Variants in LRRC2 observed in about 807,000 individuals in gnomAD.
The protein encoded by LRRC2 is leucine rich repeat containing 2, also known as leucine-rich repeat-containing protein 2.
A neutral mutation model predicts 40.2 loss-of-function variants in LRRC2; 27 were observed. That is an observed-to-expected ratio of 0.67 (90% CI 0.49 to 0.93). The LOEUF (loss-of-function observed/expected upper bound fraction) is 0.93. Ranked by LOEUF, LRRC2 falls within the 40% of genes least tolerant of loss-of-function variation. The pLI is 0.00. For missense variants in LRRC2, 402 were observed against 439.6 expected (o/e 0.91, Z 0.76); for synonymous variants, 147 against 158.9 (o/e 0.92, Z 0.56).
At chr3:46,532,181 C>A (rs866375200) in intron 5 of LRRC2, among the ~76,000 whole-genome samples, 11 of 152,226 alleles carry the variant, frequency 7.2e-5, no homozygotes, top group Non-Finnish European at 1.0e-4. Context: ...GCATTAGAGA[C>A]AACAGGCATC....
chr3:46,557,451 C>A (rs1032864894), intron 1 of LRRC2: 3 of 152,256 alleles, frequency 2.0e-5, no homozygotes, highest in Non-Finnish European at 4.4e-5. Flanking sequence ...AGCTTTATTG[C>A]TCACACAAAG....
At chr3:46,543,305 C>T (rs146564727) in intron 3 of LRRC2, among the ~76,000 whole-genome samples, 44 of 152,240 alleles carry the variant, frequency 2.9e-4, no homozygotes, top group African/African-American at 9.4e-4. Flanking sequence ...ATTCCCTTTA[C>T]CATACCGGGC....
At chr3:46,539,255 C>T (rs1019576261) in intron 3 of LRRC2, 54 bp from the exon 4 acceptor site, 3 of 1,522,348 alleles carry the variant, frequency 2.0e-6, no homozygotes, top group Non-Finnish European at 2.7e-6. Context: ...GTGCACAAAG[C>T]CGTGTAAAAC....
At chr3:46,521,371 T>A (rs1477897550) in intron 8 of LRRC2, 151 bp downstream of exon 8, 1 of 562,450 alleles carries the variant, frequency 1.8e-6, no homozygotes, top group Non-Finnish European at 3.1e-6. Context: ...TCATTTGGAG[T>A]GTGTTGGAGG....
intron 4 of LRRC2, among the ~76,000 whole-genome samples, chr3:46,534,464 C>G (rs866969909): frequency 3.6e-5 from 5 of 139,576 alleles, no homozygotes; most frequent in East Asian, 2.1e-4. Flanking sequence ...TTCTTTCTTT[C>G]TTTCTTTGTT....
intron 3 of LRRC2, among the ~76,000 whole-genome samples, chr3:46,541,104 C>T (rs758436165): frequency 2.0e-5 from 3 of 152,108 alleles, no homozygotes; most frequent in Non-Finnish European, 2.9e-5. Flanking sequence ...GAGGCCGAGG[C>T]GGGCAGATCA....
intron 1 of LRRC2, among the ~76,000 whole-genome samples, chr3:46,551,949 C>T (rs1704666110): frequency 6.6e-6 from 1 of 152,010 alleles, no homozygotes; most frequent in Non-Finnish European, 1.5e-5. Context: ...TACAGGATCA[C>T]ACCATCACAC....
At chr3:46,540,247 G>A (rs557820925) in intron 3 of LRRC2, among the ~76,000 whole-genome samples, 3 of 152,268 alleles carry the variant, frequency 2.0e-5, no homozygotes, top group South Asian at 2.1e-4. Context: ...AAAGTGGGCC[G>A]GGCACAGTGG....
rs1704653886 is a variant in LRRC2, at chr3:46,551,577, C to A, written c.15G>T (p.Val5=). The A allele has an allele frequency of 4.3e-6, 7 of 1,613,022 alleles. No homozygotes were observed. The highest frequency in any genetic ancestry group is 5.1e-6 in the Non-Finnish European group (6 of 1,179,662). MGHK[V]VVFDISVIRA... ...TGATGACAGAAATGTCGAAGACAAC[C>A]ACTTTATGTCCCATTTTGGGAGCAT... The change falls in exon 2 of 9, where the codon GTG becomes GTT. Residue 5 remains valine, a synonymous_variant. Coordinates refer to ENST00000395905, the MANE Select transcript of LRRC2 (RefSeq NM_024512.5).
At chr3:46,522,090 C>T (rs1047712703) in intron 7 of LRRC2, among the ~76,000 whole-genome samples, 3 of 152,072 alleles carry the variant, frequency 2.0e-5, no homozygotes, top group Non-Finnish European at 4.4e-5. Flanking sequence ...AAAGATAGGA[C>T]ATGGCTGGGC....
chr3:46,556,280 T>C lies in LRRC2; in HGVS notation c.-19-4670A>G, dbSNP rs576535732. On this transcript the variant is annotated intron_variant, in intron 1 of 8. Transcript: ENST00000395905. ...AAACACAGGGATGCACCACCATATC[T>C]GGCTAATTTTTTTAAAAAAATATTT... is the stretch of plus-strand genomic sequence containing the variant. Among the ~76,000 whole-genome samples the C allele has an allele frequency of 6.6e-5, 10 of 152,090 alleles. No homozygotes were observed. In the South Asian group the frequency reaches 2.1e-3, roughly 32 times the overall value.
intron 4 of LRRC2, among the ~76,000 whole-genome samples, chr3:46,538,057 G>A (rs1704304717): frequency 6.6e-6 from 1 of 152,138 alleles, no homozygotes; most frequent in Non-Finnish European, 1.5e-5. Context: ...TGGGTAAGAG[G>A]GTGGTCAGAG....
chr3:46,544,347 C>T (rs983605477), intron 3 of LRRC2, among the ~76,000 whole-genome samples: 6 of 152,146 alleles, frequency 3.9e-5, no homozygotes, highest in Admixed American at 2.0e-4. Context: ...GGTGAAACCC[C>T]GTCTCTACTA....
At chr3:46,539,591 T>G (rs1311263023) in intron 3 of LRRC2, among the ~76,000 whole-genome samples, 2 of 152,242 alleles carry the variant, frequency 1.3e-5, no homozygotes, top group African/African-American at 4.8e-5. Context: ...GTAGTTGCTT[T>G]TAGAAATACT....
intron 6 of LRRC2, among the ~76,000 whole-genome samples, chr3:46,528,688 C>T (rs1037746001): frequency 3.3e-5 from 5 of 152,132 alleles, no homozygotes; most frequent in Non-Finnish European, 7.3e-5. Context: ...TCCCTCTTAG[C>T]CTCAAAAGCC....
intron 1 of LRRC2, chr3:46,557,537 G>GCCA (rs1300630290): frequency 6.6e-6 from 1 of 152,082 alleles, no homozygotes; most frequent in Non-Finnish European, 1.5e-5. Context: ...TCTTCCCTAT[G>GCCA]CCATCTCCAT....
chr3:46,559,092 TA>T (rs1704878668), intron 1 of LRRC2: 2 of 152,272 alleles, frequency 1.3e-5, no homozygotes, highest in South Asian at 2.1e-4. Flanking sequence ...ATAAAAATGA[TA>T]GGTAAAAGAA....
At chr3:46,539,806 T>C (rs931273260) in intron 3 of LRRC2, among the ~76,000 whole-genome samples, 5 of 152,160 alleles carry the variant, frequency 3.3e-5, no homozygotes, top group Non-Finnish European at 7.4e-5. Flanking sequence ...CTAGCTCAAG[T>C]GTTCTGGGAT....
intron 8 of LRRC2, among the ~76,000 whole-genome samples, chr3:46,520,147 A>G (rs1446139700): frequency 6.7e-6 from 1 of 148,650 alleles, no homozygotes; most frequent in Non-Finnish European, 1.5e-5. Context: ...TATTATCGAT[A>G]AAATTAATAT....
Sources: gnomAD v4.1 joint callset for allele counts (sites outside exome capture counted in the v4.1 genomes callset) on GRCh38, gnomAD v4.1.1 for gene constraint, MANE v1.5 for transcripts, NCBI Gene and HGNC (gene_info 2026-07-23, HGNC 2026-07-21) for gene names.